Variants in ZNF433 observed in about 807,000 individuals in gnomAD.
The protein encoded by ZNF433 is zinc finger protein 433.
In ZNF433, 12 loss-of-function variants were observed where a neutral mutation model predicts 10.6. The ratio of observed to expected loss-of-function variants is 1.13; its 90% confidence interval spans 0.72 to 1.83. The LOEUF is 1.83. ZNF433 is among the 40% of genes most tolerant of loss of function. The pLI, the probability that ZNF433 is intolerant of heterozygous loss-of-function variation, is 0.00. For synonymous variants in ZNF433, 272 were observed against 271.3 expected, an observed-to-expected ratio of 1.00 and a Z score of -0.02; for missense variants, 737 against 798.0, an observed-to-expected ratio of 0.92 and a Z score of 0.92.
Position 12,018,147 on chromosome 19 carries a change from G to A in ZNF433, c.130+19C>T. ...CTTGTTGTCTCATTTACTGAAGGAAGTAATGTTGTCACCCTTACCTATAGA... is the reference window on the plus strand; with the variant it reads ...CTTGTTGTCTCATTTACTGAAGGAAATAATGTTGTCACCCTTACCTATAGA... On this transcript the variant is annotated intron_variant, in intron 2 of 3. Coordinates refer to ENST00000550507, the MANE Select transcript of ZNF433 (RefSeq NM_001308348.2). 1 of 1,550,388 alleles carries A rather than the reference G, an allele frequency of 6.4e-7. No individual in the cohort carries two copies. The highest frequency in any genetic ancestry group is 8.6e-7 in the Non-Finnish European group (1 of 1,157,414).
Position 12,035,635 on chromosome 19 carries a change from G to T in ZNF433, c.-96C>A. 6.6e-7 allele frequency: 1 copy of T among 1,504,148 alleles called. No homozygotes were observed. Among genetic ancestry groups the T allele is most frequent in the Non-Finnish European group, 9.0e-7 (1 of 1,114,200 alleles). The allele number at this position is 1,504,148 out of a possible 1,614,324, so 93.2% of individuals were successfully genotyped here. A position where few individuals can be genotyped will look rare whatever the true frequency, so the allele number is the denominator to read the frequency against. ...CACCTGAACCCTCTCGGAGGGGAAA[G>T]CCAGGCTCCCAACCTCAGCTCGCCG... is the stretch of plus-strand genomic sequence containing the variant. On this transcript the variant is annotated 5_prime_UTR_variant, in exon 1 of 4. Coordinates refer to ENST00000550507, the MANE Select transcript of ZNF433 (RefSeq NM_001308348.2).
chr19:12,021,433 A>G (rs939926664), intron 1 of ZNF433, among the ~76,000 whole-genome samples: 1 of 152,164 alleles, frequency 6.6e-6, no homozygotes, highest in Non-Finnish European at 1.5e-5. Context: ...ATCAAGTTCA[A>G]TTTCCCTCAC....
In ZNF433 at chr19:12,015,319, G is replaced by A; in HGVS notation, c.1539C>T (p.Asn513=). 6.2e-7 allele frequency: 1 copy of A among 1,611,070 alleles called. No individual in the cohort carries two copies. Among genetic ancestry groups the A allele is most frequent in the South Asian group, 1.1e-5 (1 of 90,918 alleles). ...YECKQCGRSF[N]CSSSFRYHGR... is the part of the protein sequence containing the mutation. ...CATGATATCGAAAGGAGCTCGAACA[G>A]TTGAAGGATCTGCCACACTGCTTGC... Residue 513 remains asparagine (N), a synonymous_variant, in exon 4 of 4, where the codon AAC becomes AAT. Transcript: ENST00000550507.
Position 12,015,064 on chromosome 19 carries a change from A to C in ZNF433, c.1794T>G (p.Cys598Trp), listed in dbSNP as rs376395942. Residue 598 changes from cysteine to tryptophan, a missense_variant, in exon 4 of 4, where the codon TGT (cysteine) becomes TGG (tryptophan). Transcript: ENST00000550507. ...ECKQCGKSFG[C>W]ASRLQMHGRT... The stretch of plus-strand genomic sequence containing the variant: ...TTCCATGCATTTGAAGTCGCGAGGC[A>C]CATCCAAAAGACTTCCCACACTGCT... The C allele has an allele frequency of 1.1e-5, 17 of 1,613,888 alleles. No homozygotes were observed. The highest frequency in any genetic ancestry group is 1.4e-5 in the Non-Finnish European group (17 of 1,179,998).
chr19:12,018,448 C>A (rs760927029), intron 1 of ZNF433, 156 bp from the exon 2 acceptor site: 3 of 805,730 alleles, frequency 3.7e-6, no homozygotes, highest in Non-Finnish European at 5.2e-6. Flanking sequence ...TCAGTTTCTT[C>A]CATAAAGTAA....
intron 1 of ZNF433, chr19:12,030,234 AT>A (rs1568341014): frequency 2.4e-6 from 1 of 423,402 alleles, no homozygotes; most frequent in South Asian, 1.7e-5. Context: ...TTATTTTTTT[AT>A]TTTTTTGAGA....
At chr19:12,022,344 C>T (rs1974538341) in intron 1 of ZNF433, among the ~76,000 whole-genome samples, 1 of 152,212 alleles carries the variant, frequency 6.6e-6, no homozygotes, top group Non-Finnish European at 1.5e-5. Flanking sequence ...ATGCTTATCA[C>T]TGGCTTGCTG....
intron 1 of ZNF433, among the ~76,000 whole-genome samples, chr19:12,029,521 C>CAA (rs55659942): frequency 2.1e-4 from 10 of 48,460 alleles, no homozygotes; most frequent in Admixed American, 4.4e-4. Flanking sequence ...GACTCTGTCT[C>CAA]AAAAAAAAAA....
chr19:12,026,773 T>A (rs1257357186), intron 1 of ZNF433: 3 of 454,036 alleles, frequency 6.6e-6, no homozygotes, highest in Admixed American at 2.3e-5. Context: ...TTATTGATTG[T>A]TCCCCTAAGG....
At chr19:12,033,593 C>T (rs1160289806) in intron 1 of ZNF433, among the ~76,000 whole-genome samples, 5 of 151,738 alleles carry the variant, frequency 3.3e-5, no homozygotes, top group East Asian at 2.0e-4. Flanking sequence ...GAGGCCAAGG[C>T]GGGTGGATCA....
chr19:12,017,990 A>G, intron 2 of ZNF433, 54 bp from the exon 3 acceptor site: 2 of 1,391,716 alleles, frequency 1.4e-6, no homozygotes, highest in Non-Finnish European at 2.0e-6. Context: ...TTATTAAAAA[A>G]TTACATGATT....
At chr19:12,029,195 T>A (rs1051017837) in intron 1 of ZNF433, among the ~76,000 whole-genome samples, 2 of 152,060 alleles carry the variant, frequency 1.3e-5, no homozygotes, top group Admixed American at 6.5e-5. Flanking sequence ...AAAAACTACT[T>A]CTAAACACTG....
At chr19:12,020,587 C>G (rs940085050) in intron 1 of ZNF433, among the ~76,000 whole-genome samples, 1 of 152,020 alleles carries the variant, frequency 6.6e-6, no homozygotes, top group Non-Finnish European at 1.5e-5. Context: ...TGGAATGTAT[C>G]GAGGAAAGCA....
intron 1 of ZNF433, among the ~76,000 whole-genome samples, chr19:12,033,604 C>T (rs967832163): frequency 6.6e-6 from 1 of 152,030 alleles, no homozygotes; most frequent in Non-Finnish European, 1.5e-5. Flanking sequence ...GGGTGGATCA[C>T]AAGGTCAGGA....
chr19:12,034,323 G>A (rs549776103), intron 1 of ZNF433, among the ~76,000 whole-genome samples: 48 of 152,138 alleles, frequency 3.2e-4, no homozygotes, highest in Non-Finnish European at 6.3e-4. Context: ...AAATTATCTT[G>A]AAGTTTAAAG....
chr19:12,033,102 C>T (rs1478729878), intron 1 of ZNF433, among the ~76,000 whole-genome samples: 2 of 147,818 alleles, frequency 1.4e-5, no homozygotes, highest in African/African-American at 5.1e-5. Flanking sequence ...TTTTTTTTTT[C>T]CCCTCTCTTG....
intron 1 of ZNF433, among the ~76,000 whole-genome samples, chr19:12,031,851 AC>A (rs772856260): frequency 5.1e-5 from 7 of 137,832 alleles, no homozygotes; most frequent in Non-Finnish European, 7.7e-5. Context: ...ACACCAGTAC[AC>A]TCCAGCCTGG....
In ZNF433 at chr19:12,015,215, A is replaced by C; in HGVS notation, c.1643T>G (p.Ile548Ser). Residue 548 changes from isoleucine to serine, a missense_variant, in exon 4 of 4, where the codon ATT becomes AGT. Ile to Ser is a moderately radical substitution (Grantham distance 142). Transcript: ENST00000550507. ...CTCTCCAGTGTGAGTCCTTCCATGA[A>C]TTTGAAGCTGTGAGGCAGATCTGAA... ...KAFRSASQLQ[I>S]HGRTHTGEKP... is the part of the protein sequence containing the mutation. 1 of 1,608,866 alleles carries C rather than the reference A, an allele frequency of 6.2e-7. No individual in the cohort carries two copies. Among genetic ancestry groups the C allele is most frequent in the Admixed American group, 1.7e-5 (1 of 59,544 alleles).
In ZNF433 at chr19:12,015,225, G is replaced by C; in HGVS notation, c.1633C>G (p.Gln545Glu). 6 of 1,612,824 alleles carry C rather than the reference G, an allele frequency of 3.7e-6. No homozygotes were observed. The highest frequency in any genetic ancestry group is 5.1e-6 in the Non-Finnish European group (6 of 1,179,756). The change falls in exon 4 of 4, where the codon CAG becomes GAG. Residue 545 changes from glutamine to glutamate, a missense_variant. Gln to Glu is a conservative substitution (Grantham distance 29). Coordinates refer to ENST00000550507, the MANE Select transcript of ZNF433 (RefSeq NM_001308348.2). ...QCGKAFRSAS[Q>E]LQIHGRTHTG... The stretch of plus-strand genomic sequence containing the variant: ...TGAGTCCTTCCATGAATTTGAAGCT[G>C]TGAGGCAGATCTGAAGGCTTTTCCA...
Sources: gnomAD v4.1 joint callset for allele counts (sites outside exome capture counted in the v4.1 genomes callset) on GRCh38, gnomAD v4.1.1 for gene constraint, MANE v1.5 for transcripts, NCBI Gene and HGNC (gene_info 2026-07-23, HGNC 2026-07-21) for gene names.